The following TTC27 variants were observed in gnomAD, a reference collection of about 807,000 sequenced individuals.
TTC27 encodes the protein tetratricopeptide repeat domain 27.
Under a neutral mutation model 115.9 loss-of-function variants are expected in TTC27, and 79 were observed. The observed-to-expected ratio is 0.68, with a 90% CI of 0.57 to 0.82. The LOEUF (loss-of-function observed/expected upper bound fraction) is 0.82. Ranked by LOEUF, TTC27 falls within the 40% of genes least tolerant of loss-of-function variation. TTC27 has a pLI of 0.00. For synonymous variants in TTC27, 401 were observed against 356.0 expected, an observed-to-expected ratio of 1.13 and a Z score of -1.42; for missense variants, 1,054 against 993.1, an observed-to-expected ratio of 1.06 and a Z score of -0.82.
intron 3 of TTC27, among the ~76,000 whole-genome samples, chr2:32,638,410 G>T (rs368257146): frequency 6.6e-6 from 1 of 151,822 alleles, no homozygotes; most frequent in Admixed American, 6.6e-5. Context: ...AGGCAGTCTC[G>T]CTCTGTCGCC....
chr2:32,800,219 G>A (rs1454234121), intron 16 of TTC27, among the ~76,000 whole-genome samples: 4 of 152,152 alleles, frequency 2.6e-5, no homozygotes, highest in African/African-American at 9.7e-5. Context: ...ACGGAGTCTC[G>A]CCCTGTCACC....
chr2:32,692,061 T>G (rs1427515941), intron 9 of TTC27, among the ~76,000 whole-genome samples: 1 of 124,818 alleles, frequency 8.0e-6, no homozygotes, highest in Non-Finnish European at 1.7e-5. Context: ...TTTTTTTTTT[T>G]TGTAGAGACA....
rs993015387 is a variant in TTC27, at chr2:32,786,986, T to G, written c.1835T>G (p.Val612Gly). The G allele has an allele frequency of 7.5e-6, 12 of 1,607,082 alleles. No individual in the cohort carries two copies. Among genetic ancestry groups the G allele is most frequent in the Non-Finnish European group, 1.0e-5 (12 of 1,178,388 alleles). ...STSYIRLKQK[V>G]KAFRTLQEAL... is the part of the protein sequence containing the mutation. ...CTTTAAAATTTGACCTTCAATAGAG[T>G]AAAAGCTTTTAGAACTTTACAAGAA... The change falls in exon 16 of 20, where the codon GTA (valine) becomes GGA (glycine). Residue 612 changes from valine to glycine, a missense_variant and splice_region_variant. Transcript: ENST00000317907.
chr2:32,793,891 A>T (rs949471340), intron 16 of TTC27, among the ~76,000 whole-genome samples: 1 of 152,180 alleles, frequency 6.6e-6, no homozygotes, highest in African/African-American at 2.4e-5. Context: ...ACATTAAAAA[A>T]ACAGTTATTA....
intron 9 of TTC27, among the ~76,000 whole-genome samples, chr2:32,691,001 T>C (rs1194560982): frequency 6.6e-6 from 1 of 152,212 alleles, no homozygotes; most frequent in Non-Finnish European, 1.5e-5. Context: ...GATTTATGTA[T>C]GGAAAAAGCA....
chr2:32,698,474 C>T (rs1047246352), intron 9 of TTC27, among the ~76,000 whole-genome samples: 1 of 107,154 alleles, frequency 9.3e-6, no homozygotes, highest in African/African-American at 2.8e-5. Flanking sequence ...GCATTTGGAA[C>T]ATGTTGTCTT....
In TTC27 at chr2:32,758,141, A is replaced by T. The variant is rs1475217720; in HGVS notation, c.1453-151A>T. On this transcript the variant is annotated intron_variant, in intron 12 of 19. Transcript: ENST00000317907. ...GTATTTATTTTGTATCGGTCCTCTT[A>T]CTCAACCTGTGTCCTTGATAGGTCA... 3 of 691,606 alleles carry T rather than the reference A, an allele frequency of 4.3e-6. No individual in the cohort carries two copies. The East Asian group carries it at 8.1e-5, about 19-fold the overall frequency. The allele number at this position is 691,606 out of a possible 1,614,324, so 42.8% of individuals were successfully genotyped here.
intron 3 of TTC27, among the ~76,000 whole-genome samples, chr2:32,638,299 T>C (rs1664502375): frequency 6.6e-6 from 1 of 152,200 alleles, no homozygotes; most frequent in Non-Finnish European, 1.5e-5. Flanking sequence ...AAATCTTTAT[T>C]CCTCTATTAC....
At chr2:32,686,853 G>T (rs908657744) in intron 9 of TTC27, among the ~76,000 whole-genome samples, 1 of 151,608 alleles carries the variant, frequency 6.6e-6, no homozygotes, top group Non-Finnish European at 1.5e-5. Flanking sequence ...GGTTTCTTTT[G>T]TGTGTGTGTG....
intron 13 of TTC27, among the ~76,000 whole-genome samples, chr2:32,776,169 G>C (rs191102116): frequency 1.3e-5 from 2 of 152,210 alleles, no homozygotes; most frequent in East Asian, 3.9e-4. Context: ...TCTCCATAAA[G>C]GCTCCTGATA....
At chr2:32,802,149 T>C (rs1670969981) in intron 16 of TTC27, among the ~76,000 whole-genome samples, 1 of 152,156 alleles carries the variant, frequency 6.6e-6, no homozygotes, top group South Asian at 2.1e-4. Flanking sequence ...AGAATTATCT[T>C]TGGAGTAGAC....
intron 10 of TTC27, among the ~76,000 whole-genome samples, chr2:32,725,436 G>A (rs1329192059): frequency 1.3e-5 from 2 of 151,918 alleles, no homozygotes; most frequent in Non-Finnish European, 2.9e-5. Context: ...GAGGCTATGG[G>A]CCCCATGCAA....
At chr2:32,741,206 C>T (rs1668623211) in intron 12 of TTC27, among the ~76,000 whole-genome samples, 1 of 152,226 alleles carries the variant, frequency 6.6e-6, no homozygotes, top group South Asian at 2.1e-4. Flanking sequence ...TTGCTTTCTA[C>T]AGAGAGCCTT....
At position 32,731,673 on chromosome 2, in the gene TTC27, G is replaced by C. The variant is rs181350233; in HGVS notation, c.1234-2155G>C. On this transcript the variant is annotated intron_variant, in intron 10 of 19. Coordinates refer to ENST00000317907, the MANE Select transcript of TTC27 (RefSeq NM_017735.5). ...GGGGTGGCACCCAACCTAGAGTTCTGTTTTTGATCTTTATCATGCATATGG... is the reference window on the plus strand; with the variant it reads ...GGGGTGGCACCCAACCTAGAGTTCTCTTTTTGATCTTTATCATGCATATGG... 2.7e-3 allele frequency among the ~76,000 whole-genome samples: 417 copies of C among 152,122 alleles called. 1 individual carries two copies. Among genetic ancestry groups the C allele is most frequent in the African/African-American group, 9.6e-3 (396 of 41,410 alleles).
chr2:32,702,835 C>A lies in TTC27; in HGVS notation c.1148C>A (p.Ala383Asp). 6.2e-7 allele frequency: 1 copy of A among 1,613,846 alleles called. No homozygotes were observed. The highest frequency in any genetic ancestry group is 8.5e-7 in the Non-Finnish European group (1 of 1,179,860). ...SCLLSQPKFW[A>D]IQTSALILRT... is the part of the protein sequence containing the mutation. Reference sequence around the variant, plus strand: ...TTGCTTTCACAACCAAAGTTCTGGGCCATTCAGACATCAGCCTTGATCCTC... The same window carrying A: ...TTGCTTTCACAACCAAAGTTCTGGGACATTCAGACATCAGCCTTGATCCTC... Residue 383 changes from alanine (A) to aspartate (D), a missense_variant, in exon 10 of 20, where the codon GCC (alanine) becomes GAC (aspartate). Coordinates refer to ENST00000317907, the MANE Select transcript of TTC27 (RefSeq NM_017735.5).
chr2:32,820,954 A>C lies in TTC27; in HGVS notation c.*16A>C. 8.0e-7 allele frequency: 1 copy of C among 1,246,544 alleles called. No individual in the cohort carries two copies. The highest frequency in any genetic ancestry group is 1.0e-6 in the Non-Finnish European group (1 of 954,800). 77.2% of individuals were successfully genotyped at this position (1,246,544 alleles called of 1,614,324 possible). A position where few individuals can be genotyped will look rare whatever the true frequency, so the allele number is the denominator to read the frequency against. ...TCAGTATTGATTCTGCTGGAAGCAG[A>C]TTCTGGAAAAGGTGCTTTCACCTGC... On this transcript the variant is annotated 3_prime_UTR_variant, in exon 20 of 20. Coordinates refer to ENST00000317907, the MANE Select transcript of TTC27 (RefSeq NM_017735.5).
intron 9 of TTC27, among the ~76,000 whole-genome samples, chr2:32,693,288 C>A (rs976963131): frequency 6.6e-6 from 1 of 152,120 alleles, no homozygotes; most frequent in African/African-American, 2.4e-5. Context: ...GATAGCAAGA[C>A]CTATTTTAAG....
intron 9 of TTC27, among the ~76,000 whole-genome samples, chr2:32,698,663 G>A (rs1667079208): frequency 1.3e-5 from 2 of 151,596 alleles, no homozygotes; most frequent in South Asian, 4.2e-4. Context: ...TGTATTTTTA[G>A]TAGAGATGGG....
rs752758338 is a variant in TTC27 at position 32,633,945 on chromosome 2, C to A, written c.336C>A (p.Pro112=). The A allele has an allele frequency of 1.9e-6, 3 of 1,613,954 alleles. No homozygotes were observed. The highest frequency in any genetic ancestry group is 2.5e-6 in the Non-Finnish European group (3 of 1,179,938). ...QLFVQSNWTG[P]PVDLHPQDFL... is the part of the protein sequence containing the mutation. ...TTGTTCAGAGCAACTGGACGGGGCCCCCTGTTGACTTACACCCTCAGGACT... is the reference window on the plus strand; with the variant it reads ...TTGTTCAGAGCAACTGGACGGGGCCACCTGTTGACTTACACCCTCAGGACT... The change falls in exon 3 of 20, where the codon CCC becomes CCA. Residue 112 remains proline (P), a synonymous_variant. Coordinates refer to ENST00000317907, the MANE Select transcript of TTC27 (RefSeq NM_017735.5).
Sources: gnomAD v4.1 joint callset for allele counts (sites outside exome capture counted in the v4.1 genomes callset) on GRCh38, gnomAD v4.1.1 for gene constraint, MANE v1.5 for transcripts, NCBI Gene and HGNC (gene_info 2026-07-23, HGNC 2026-07-21) for gene names.